The following ATXN2 variants were observed in gnomAD, a reference collection of about 807,000 sequenced individuals.
ATXN2 encodes ataxin-2.
A neutral mutation model predicts 138.6 loss-of-function variants in ATXN2; 37 were observed. The observed-to-expected ratio is 0.27, with a 90% CI of 0.21 to 0.35. The LOEUF (loss-of-function observed/expected upper bound fraction) is 0.35. ATXN2 is among the 10% of genes least tolerant of loss of function. ATXN2 has a pLI of 1.00. For missense variants in ATXN2, 1,216 were observed against 1,480.3 expected (o/e 0.82, Z 2.93); for synonymous variants, 549 against 543.7 (o/e 1.01, Z -0.13).
chr12:111,536,777 GT>G (rs750371516), intron 5 of ATXN2, among the ~76,000 whole-genome samples: 291 of 96,806 alleles, frequency 3.0e-3, no homozygotes, highest in South Asian at 4.2e-3. Flanking sequence ...TCCACACGCA[GT>G]TTTTTTTTTT....
At chr12:111,584,367 G>A (rs1377900596) in intron 1 of ATXN2, among the ~76,000 whole-genome samples, 26 of 87,442 alleles carry the variant, frequency 3.0e-4, no homozygotes, top group African/African-American at 1.2e-3. Context: ...TGGTGACAGA[G>A]ACCCTGTCTC....
At chr12:111,559,391 G>A (rs547597226) in intron 1 of ATXN2, among the ~76,000 whole-genome samples, 4 of 151,482 alleles carry the variant, frequency 2.6e-5, no homozygotes, top group South Asian at 4.2e-4. Flanking sequence ...GAGCTACCAC[G>A]CCCGGCCAAA....
At chr12:111,581,341 C>T (rs894759199) in intron 1 of ATXN2, 7 of 568,004 alleles carry the variant, frequency 1.2e-5, no homozygotes, top group African/African-American at 9.3e-5. Flanking sequence ...TGAGAACCAC[C>T]CCAGCAACCC....
intron 22 of ATXN2, among the ~76,000 whole-genome samples, chr12:111,456,881 G>A: frequency 6.6e-6 from 1 of 151,978 alleles, no homozygotes; most frequent in Non-Finnish European, 1.5e-5. Flanking sequence ...CCGAGAAGCT[G>A]GGACTACAGG....
intron 10 of ATXN2, among the ~76,000 whole-genome samples, chr12:111,514,390 T>C (rs1342360126): frequency 6.6e-6 from 1 of 152,222 alleles, no homozygotes; most frequent in Non-Finnish European, 1.5e-5. Flanking sequence ...AGAATGGCCC[T>C]CATCAGAGAA....
At chr12:111,495,218 G>A (rs1442869259) in intron 14 of ATXN2, among the ~76,000 whole-genome samples, 1 of 149,576 alleles carries the variant, frequency 6.7e-6, no homozygotes, top group Non-Finnish European at 1.5e-5. Flanking sequence ...TGAGGCAGGA[G>A]AATCGCTTGA....
At chr12:111,584,326 G>A (rs1884190667) in intron 1 of ATXN2, among the ~76,000 whole-genome samples, 1 of 128,336 alleles carries the variant, frequency 7.8e-6, no homozygotes, top group African/African-American at 2.8e-5. Context: ...AGGTTGCAGT[G>A]AGCCGAGACT....
intron 5 of ATXN2, among the ~76,000 whole-genome samples, chr12:111,525,580 T>C (rs368253682): frequency 4.2e-4 from 64 of 152,196 alleles, no homozygotes; most frequent in African/African-American, 1.5e-3. Context: ...ACGGAATATA[T>C]AGTATTCAGT....
intron 14 of ATXN2, among the ~76,000 whole-genome samples, chr12:111,489,179 T>C (rs1433353588): frequency 6.8e-6 from 1 of 146,480 alleles, no homozygotes; most frequent in African/African-American, 2.8e-5. Context: ...AAAAGAAAGG[T>C]TTCTCAGTAA....
chr12:111,487,107 C>G lies in ATXN2; in HGVS notation c.2241-283G>C, dbSNP rs557629939. On this transcript the variant is annotated intron_variant, in intron 15 of 24. Transcript: ENST00000673436. ...ACTTTTTTTTTTTCCTTCACAGAGT[C>G]CCACTCTGTTGCTCAGGTTGGAGTG... Among the ~76,000 whole-genome samples the G allele has an allele frequency of 5.4e-4, 82 of 152,096 alleles. 1 individual carries two copies. Among genetic ancestry groups the G allele is most frequent in the Middle Eastern group, 3.4e-3 (1 of 294 alleles).
intron 1 of ATXN2, chr12:111,581,579 A>G (rs545009215): frequency 1.1e-4 from 95 of 851,344 alleles, no homozygotes; most frequent in Non-Finnish European, 1.5e-4. Flanking sequence ...CACCCACTTC[A>G]TGAACTCCTG....
At chr12:111,457,472 A>C (rs1185945140) in intron 21 of ATXN2, 113 bp from the exon 22 acceptor site, 1 of 1,205,722 alleles carries the variant, frequency 8.3e-7, no homozygotes, top group Non-Finnish European at 1.1e-6. Flanking sequence ...AACTCACGCC[A>C]CTACCAATTT....
At chr12:111,454,346 G>C (rs953902011) in intron 23 of ATXN2, 9 of 153,024 alleles carry the variant, frequency 5.9e-5, no homozygotes, top group Non-Finnish European at 1.2e-4. Flanking sequence ...TTGGACCTCT[G>C]TTCATTTGCC....
At chr12:111,467,900 A>G (rs1876133706) in intron 20 of ATXN2, among the ~76,000 whole-genome samples, 1 of 152,258 alleles carries the variant, frequency 6.6e-6, no homozygotes, top group Non-Finnish European at 1.5e-5. Flanking sequence ...GAATGAACAC[A>G]ATGAGGAGAA....
chr12:111,598,000 G>A (rs977701617), intron 1 of ATXN2: 57 of 1,198,858 alleles, frequency 4.8e-5, no homozygotes, highest in Non-Finnish European at 5.5e-5. Context: ...AGGTCTGGCG[G>A]GGGAAGGAGG....
chr12:111,503,667 G>A (rs571705056), intron 14 of ATXN2, among the ~76,000 whole-genome samples: 1 of 150,314 alleles, frequency 6.7e-6, no homozygotes, highest in African/African-American at 2.4e-5. Context: ...TCGGATCACT[G>A]CAACCTCCAC....
intron 21 of ATXN2, among the ~76,000 whole-genome samples, chr12:111,462,963 CATATATATAT>C (rs371550351): frequency 2.8e-4 from 41 of 148,296 alleles, no homozygotes; most frequent in African/African-American, 9.8e-4. Flanking sequence ...TACACACATA[CATATATATAT>C]ATATACACAC....
intron 14 of ATXN2, among the ~76,000 whole-genome samples, chr12:111,489,203 C>T (rs537037749): frequency 6.6e-6 from 1 of 152,234 alleles, no homozygotes; most frequent in East Asian, 1.9e-4. Context: ...GTCAGCTAGT[C>T]TAAGGTGTGA....
Position 111,470,748 on chromosome 12 carries a change from G to GA in ATXN2, c.2525-7dup, listed in dbSNP as rs373533079. ...CTGTTGGGGCATATTTGGTACTGCAGAAAAAAAAGCAGACTGCCTATTAAA... is the reference window on the plus strand; with the variant it reads ...CTGTTGGGGCATATTTGGTACTGCAGAAAAAAAAAGCAGACTGCCTATTAAA... On this transcript the variant is annotated splice_region_variant and splice_polypyrimidine_tract_variant and intron_variant, in intron 18 of 24. Transcript: ENST00000673436. The GA allele has an allele frequency of 3.7e-6, 6 of 1,612,238 alleles. No individual in the cohort carries two copies. Among genetic ancestry groups the GA allele is most frequent in the African/African-American group, 1.3e-5 (1 of 74,764 alleles).
Sources: gnomAD v4.1 joint callset for allele counts (sites outside exome capture counted in the v4.1 genomes callset) on GRCh38, gnomAD v4.1.1 for gene constraint, MANE v1.5 for transcripts, NCBI Gene and HGNC (gene_info 2026-07-23, HGNC 2026-07-21) for gene names.